Variants in FZD5 observed in about 807,000 individuals in gnomAD.
The protein encoded by FZD5 is frizzled class receptor 5, also known as frizzled-5.
Under a neutral mutation model 40.8 loss-of-function variants are expected in FZD5, and 12 were observed. The observed-to-expected ratio is 0.29, with a 90% CI of 0.19 to 0.48. The LOEUF (loss-of-function observed/expected upper bound fraction) is 0.48. Among genes scored for constraint, FZD5 ranks in the 20% least tolerant of loss-of-function variants. The probability of loss-of-function intolerance (pLI) is 0.99; values close to 1 mark genes in which losing one functional copy is unlikely to be tolerated. For missense variants in FZD5, 622 were observed against 832.8 expected (o/e 0.75, Z 3.12); for synonymous variants, 380 against 383.7 (o/e 0.99, Z 0.11).
chr2:207,767,728 G>T lies in FZD5; in HGVS notation c.1012C>A (p.Leu338Ile). 1 of 1,614,164 alleles carries T rather than the reference G, an allele frequency of 6.2e-7. No individual in the cohort carries two copies. The highest frequency in any genetic ancestry group is 1.7e-4 in the Middle Eastern group (1 of 6,058). Reference sequence around the variant, plus strand: ...ATGCCGGCGGCCAGGAACCAGGTGAGCGACAGGATGACCCACCAGATGGAG... The same window carrying T: ...ATGCCGGCGGCCAGGAACCAGGTGATCGACAGGATGACCCACCAGATGGAG... ...ASSIWWVILS[L>I]TWFLAAGMKW... The change falls in exon 2 of 2, where the codon CTC (leucine) becomes ATC (isoleucine). Residue 338 changes from leucine (L) to isoleucine (I), a missense_variant. By Grantham distance (5) the Leu-to-Ile change is conservative. Coordinates refer to ENST00000295417, the MANE Select transcript of FZD5 (RefSeq NM_003468.4).
At position 207,768,874 on chromosome 2, in the gene FZD5, A is replaced by C; in HGVS notation, c.-135T>G. On this transcript the variant is annotated 5_prime_UTR_variant, in exon 2 of 2. Coordinates refer to ENST00000295417, the MANE Select transcript of FZD5 (RefSeq NM_003468.4). ...CAACCTGTTGGTTGCTTTTTCCTTT[A>C]AAGAAAACCGTCCAAAGATAAACTG... The C allele has an allele frequency of 1.4e-6, 1 of 699,628 alleles. No homozygotes were observed. Among genetic ancestry groups the C allele is most frequent in the East Asian group, 2.8e-5 (1 of 35,110 alleles). 43.3% of individuals were successfully genotyped at this position (699,628 alleles called of 1,614,324 possible).
rs1401663391 is a variant in FZD5, at chr2:207,763,960, G to T, written c.*3022C>A. On this transcript the variant is annotated 3_prime_UTR_variant, in exon 2 of 2. Coordinates refer to ENST00000295417, the MANE Select transcript of FZD5 (RefSeq NM_003468.4). ...ATGGTCATGAGAAAATATGAGAAAG[G>T]TTTGCAAGGAAAACCAATAAGGCAC... is the stretch of plus-strand genomic sequence containing the variant. 1 of 152,554 alleles carries T rather than the reference G, an allele frequency of 6.6e-6. No individual in the cohort carries two copies. Among genetic ancestry groups the T allele is most frequent in the Non-Finnish European group, 1.5e-5 (1 of 68,030 alleles). The allele number at this position is 152,554 out of a possible 1,614,324, so 9.5% of individuals were successfully genotyped here. A position where few individuals can be genotyped will look rare whatever the true frequency, so the allele number is the denominator to read the frequency against.
rs2091995486 is a variant in FZD5, at chr2:207,768,732, C to A, written c.8G>T (p.Arg3Leu). Residue 3 changes from arginine to leucine, a missense_variant, in exon 2 of 2, where the codon CGG becomes CTG. Arg to Leu is a moderately radical substitution (Grantham distance 102). Around this residue, in one of 4 missense-constraint regions of FZD5, gnomAD observed 144 missense variants for 214.2 expected, o/e 0.67. Coordinates refer to ENST00000295417, the MANE Select transcript of FZD5 (RefSeq NM_003468.4). MA[R>L]PDPSAPPSLL... Reference sequence around the variant, plus strand: ...CGAGGGCGGCGCGGATGGGTCAGGCCGAGCCATCGCCCCCTCCCTCCCCTC... The same window carrying A: ...CGAGGGCGGCGCGGATGGGTCAGGCAGAGCCATCGCCCCCTCCCTCCCCTC... The A allele has an allele frequency of 1.3e-6, 2 of 1,566,092 alleles. No homozygotes were observed. Among genetic ancestry groups the A allele is most frequent in the African/African-American group, 2.7e-5 (2 of 73,682 alleles).
Position 207,767,479 on chromosome 2 carries a change from C to A in FZD5, c.1261G>T (p.Ala421Ser). Residue 421 changes from alanine (A) to serine (S), a missense_variant, in exon 2 of 2, where the codon GCG (alanine) becomes TCG (serine). By Grantham distance (99) the Ala-to-Ser change is moderately conservative. Transcript: ENST00000295417. ...ATGCGGAAGAGCGACACGAAGCCCG[C>A]CAGCAGGAAGAGCGTGCCCACCAGC... ...YLLVGTLFLLAGFVSLFRIRS... is the reference protein window; with the variant it reads ...YLLVGTLFLLSGFVSLFRIRS... 1 of 1,610,678 alleles carries A rather than the reference C, an allele frequency of 6.2e-7. No homozygotes were observed. The highest frequency in any genetic ancestry group is 8.5e-7 in the Non-Finnish European group (1 of 1,179,944).
At position 207,767,821 on chromosome 2, in the gene FZD5, A is replaced by G; in HGVS notation, c.919T>C (p.Tyr307His). The change falls in exon 2 of 2, where the codon TAC becomes CAC. Residue 307 changes from tyrosine to histidine, a missense_variant. Tyr to His is a moderately conservative substitution (Grantham distance 83, BLOSUM62 2). Around this residue, in one of 4 missense-constraint regions of FZD5, gnomAD observed 208 missense variants for 348.9 expected, o/e 0.60. Coordinates refer to ENST00000295417, the MANE Select transcript of FZD5 (RefSeq NM_003468.4). ...CACAGTGCAGGGCCCGTGGTCTCGT[A>G]GTGGATGTGGTTGTGCTCGCGGCTG... is the stretch of plus-strand genomic sequence containing the variant. ...ACSREHNHIH[Y>H]ETTGPALCTI... The G allele has an allele frequency of 6.2e-7, 1 of 1,609,192 alleles. No homozygotes were observed. The highest frequency in any genetic ancestry group is 8.5e-7 in the Non-Finnish European group (1 of 1,177,750).
rs1389271165 is a variant in FZD5, at chr2:207,767,729, C to A, written c.1011G>T (p.Ser337=). The A allele has an allele frequency of 6.2e-7, 1 of 1,613,970 alleles. No individual in the cohort carries two copies. The highest frequency in any genetic ancestry group is 1.3e-5 in the African/African-American group (1 of 74,934). Residue 337 remains serine, a synonymous_variant, in exon 2 of 2, where the codon TCG becomes TCT. Transcript: ENST00000295417. The stretch of plus-strand genomic sequence containing the variant: ...TGCCGGCGGCCAGGAACCAGGTGAG[C>A]GACAGGATGACCCACCAGATGGAGC... ...MASSIWWVIL[S]LTWFLAAGMK...
rs2091962375 is a variant in FZD5 at position 207,763,009 on chromosome 2, T to G, written c.*3973A>C. On this transcript the variant is annotated 3_prime_UTR_variant, in exon 2 of 2. Transcript: ENST00000295417. The stretch of plus-strand genomic sequence containing the variant: ...CTGGCTCTAGTGTAACTTCTGGATT[T>G]AACATAACAGTGACTACAGCATGGG... 6.6e-6 allele frequency: 1 copy of G among 152,614 alleles called. No homozygotes were observed. Among genetic ancestry groups the G allele is most frequent in the Admixed American group, 6.5e-5 (1 of 15,282 alleles). 9.5% of individuals were successfully genotyped at this position (152,614 alleles called of 1,614,324 possible). A position where few individuals can be genotyped will look rare whatever the true frequency, so the allele number is the denominator to read the frequency against.
In FZD5 at chr2:207,768,492, C is replaced by T. The variant is rs1199037157; in HGVS notation, c.248G>A (p.Arg83His). The T allele has an allele frequency of 6.2e-7, 1 of 1,613,896 alleles. No homozygotes were observed. The highest frequency in any genetic ancestry group is 1.3e-5 in the African/African-American group (1 of 75,036). Residue 83 changes from arginine (R) to histidine (H), a missense_variant, in exon 2 of 2, where the codon CGC becomes CAC. Around this residue, in one of 4 missense-constraint regions of FZD5, gnomAD observed 144 missense variants for 214.2 expected, o/e 0.67. Coordinates refer to ENST00000295417, the MANE Select transcript of FZD5 (RefSeq NM_003468.4). ...LVEIQCSPDL[R>H]FFLCSMYTPI... ...CGTGTACATAGAGCATAGGAAGAAG[C>T]GCAGGTCCGGCGAGCATTGGATCTC...
Position 207,767,872 on chromosome 2 carries a change from C to T in FZD5, c.868G>A (p.Val290Ile), listed in dbSNP as rs1371154815. ...CAGGCCACGCTGGCATGGCCCACGA[C>T]CAGACGCACCAGGAAGCCCAGCGAC... is the stretch of plus-strand genomic sequence containing the variant. ...CVSLGFLVRL[V>I]VGHASVACSR... The change falls in exon 2 of 2, where the codon GTC becomes ATC. Residue 290 changes from valine (V) to isoleucine (I), a missense_variant. By Grantham distance (29) the Val-to-Ile change is conservative (BLOSUM62 3). Transcript: ENST00000295417. 1.9e-6 allele frequency: 3 copies of T among 1,598,452 alleles called. No homozygotes were observed.
In FZD5 at chr2:207,764,203, A is replaced by C. The variant is rs57763126; in HGVS notation, c.*2779T>G. On this transcript the variant is annotated 3_prime_UTR_variant, in exon 2 of 2. Coordinates refer to ENST00000295417, the MANE Select transcript of FZD5 (RefSeq NM_003468.4). ...AAGGGACAGCCCTGAAGCTGTACACATAAGAGACTCCAATGGGCCCTAAGT... is the reference window on the plus strand; with the variant it reads ...AAGGGACAGCCCTGAAGCTGTACACCTAAGAGACTCCAATGGGCCCTAAGT... The C allele has an allele frequency of 5.9e-5, 9 of 152,478 alleles. No homozygotes were observed. The highest frequency in any genetic ancestry group is 1.2e-4 in the Non-Finnish European group (8 of 68,050). The allele number at this position is 152,478 out of a possible 1,614,324, so 9.4% of individuals were successfully genotyped here.
chr2:207,769,142 A>G, intron 1 of FZD5, 123 bp downstream of exon 1: 1 of 185,384 alleles, frequency 5.4e-6, no homozygotes, highest in Admixed American at 6.0e-5. Context: ...CAAACTACCG[A>G]CTCCCCCACC....
rs1393236399 is a variant in FZD5, at chr2:207,768,521, C to T, written c.219G>A (p.Leu73=). The T allele has an allele frequency of 3.7e-6, 6 of 1,614,008 alleles. No homozygotes were observed. The highest frequency in any genetic ancestry group is 1.1e-5 in the South Asian group (1 of 91,082). The change falls in exon 2 of 2, where the codon CTG becomes CTA. Residue 73 remains leucine, a synonymous_variant. Transcript: ENST00000295417. The stretch of plus-strand genomic sequence containing the variant: ...GGTCCGGCGAGCATTGGATCTCCAC[C>T]AGCGGCCAGAACTGGTGCACCTCCA... The part of the protein sequence containing the change: ...AGLEVHQFWP[L]VEIQCSPDLR...
At position 207,767,231 on chromosome 2, in the gene FZD5, G is replaced by A. The variant is rs370546626; in HGVS notation, c.1509C>T (p.Leu503=). The A allele has an allele frequency of 1.1e-5, 17 of 1,610,084 alleles. No homozygotes were observed. The highest frequency in any genetic ancestry group is 1.4e-5 in the Non-Finnish European group (17 of 1,178,638). ...QPRAKPEYWV[L]MLKYFMCLVV... ...CCAGGCACATGAAGTACTTGAGCAT[G>A]AGCACCCAGTACTCGGGCTTGGCGC... Residue 503 remains leucine (L), a synonymous_variant, in exon 2 of 2, where the codon CTC becomes CTT. Transcript: ENST00000295417.
Position 207,767,116 on chromosome 2 carries a change from G to T in FZD5, c.1624C>A (p.Arg542=), listed in dbSNP as rs1252006774. 6.4e-7 allele frequency: 1 copy of T among 1,563,772 alleles called. No homozygotes were observed. The highest frequency in any genetic ancestry group is 1.2e-5 in the South Asian group (1 of 85,752). ...GCGCCCCCGCTCTTGTGGCCGCGCCGCGGGCGGCAGCAGCAGCGGCTGGTG... is the reference window on the plus strand; with the variant it reads ...GCGCCCCCGCTCTTGTGGCCGCGCCTCGGGCGGCAGCAGCAGCGGCTGGTG... ...RFTSRCCCRP[R]RGHKSGGAMA... is the part of the protein sequence containing the mutation. The change falls in exon 2 of 2, where the codon CGG becomes AGG. Residue 542 remains arginine (R), a synonymous_variant. Transcript: ENST00000295417.
intron 1 of FZD5, 130 bp from the exon 2 acceptor site, chr2:207,769,124 C>A: frequency 4.7e-6 from 1 of 213,622 alleles, no homozygotes. Flanking sequence ...CGCTCCGCCT[C>A]CTGTAACCAA....
Position 207,767,232 on chromosome 2 carries a change from A to T in FZD5, c.1508T>A (p.Leu503His), listed in dbSNP as rs765452337. The T allele has an allele frequency of 1.9e-6, 3 of 1,610,120 alleles. No individual in the cohort carries two copies. In the South Asian group the frequency reaches 3.3e-5, roughly 18 times the overall value. ...QPRAKPEYWV[L>H]MLKYFMCLVV... is the part of the protein sequence containing the mutation. ...CAGGCACATGAAGTACTTGAGCATG[A>T]GCACCCAGTACTCGGGCTTGGCGCG... The change falls in exon 2 of 2, where the codon CTC becomes CAC. Residue 503 changes from leucine (L) to histidine (H), a missense_variant. This residue lies in a region of FZD5 where 154 missense variants were observed against 152.1 expected (regional missense o/e 1.01). Transcript: ENST00000295417.
rs1414587612 is a variant in FZD5, at chr2:207,768,483, A to G, written c.257T>C (p.Leu86Pro). 6.2e-7 allele frequency: 1 copy of G among 1,613,708 alleles called. No individual in the cohort carries two copies. Among genetic ancestry groups the G allele is most frequent in the East Asian group, 2.2e-5 (1 of 44,892 alleles). ...ACAGATGGGCGTGTACATAGAGCAT[A>G]GGAAGAAGCGCAGGTCCGGCGAGCA... The part of the protein sequence containing the change: ...IQCSPDLRFF[L>P]CSMYTPICLP... The change falls in exon 2 of 2, where the codon CTA becomes CCA. Residue 86 changes from leucine (L) to proline (P), a missense_variant. Leu to Pro is a moderately conservative substitution (Grantham distance 98). Coordinates refer to ENST00000295417, the MANE Select transcript of FZD5 (RefSeq NM_003468.4).
rs1317391666 is a variant in FZD5, at chr2:207,769,791, T to C, written c.-782A>G. On this transcript the variant is annotated 5_prime_UTR_variant, in exon 1 of 2. Coordinates refer to ENST00000295417, the MANE Select transcript of FZD5 (RefSeq NM_003468.4). ...GGGCGGTGGCGACGCTCTCGGGACG[T>C]GCCCTGCTCGGCTCCTCCCCCGCGC... Among the ~76,000 whole-genome samples the C allele has an allele frequency of 6.6e-6, 1 of 151,916 alleles. No homozygotes were observed. Among genetic ancestry groups the C allele is most frequent in the Non-Finnish European group, 1.5e-5 (1 of 67,962 alleles).
Position 207,767,152 on chromosome 2 carries a change from A to G in FZD5, c.1588T>C (p.Trp530Arg). ...WIWSGKTVES[W>R]RRFTSRCCCR... ...CAGCAGCGGCTGGTGAAACGCCGCC[A>G]CGACTCCACCGTCTTGCCCGACCAG... Residue 530 changes from tryptophan (W) to arginine (R), a missense_variant, in exon 2 of 2, where the codon TGG becomes CGG. Transcript: ENST00000295417. The G allele has an allele frequency of 6.3e-7, 1 of 1,574,972 alleles. No individual in the cohort carries two copies. The highest frequency in any genetic ancestry group is 8.6e-7 in the Non-Finnish European group (1 of 1,162,016).
Sources: gnomAD v4.1 joint callset for allele counts (sites outside exome capture counted in the v4.1 genomes callset) on GRCh38, gnomAD v4.1.1 for gene constraint, gnomAD v4.1.1 regional missense constraint, MANE v1.5 for transcripts, NCBI Gene and HGNC (gene_info 2026-07-23, HGNC 2026-07-21) for gene names.